Variants in SLIT2 observed in about 807,000 individuals in gnomAD.
The protein encoded by SLIT2 is slit guidance ligand 2.
Under a neutral mutation model 185.7 loss-of-function variants are expected in SLIT2, and 41 were observed. That is an observed-to-expected ratio of 0.22 (90% CI 0.17 to 0.29). SLIT2 has a LOEUF of 0.29. Ranked by LOEUF, SLIT2 falls within the 10% of genes least tolerant of loss-of-function variation. The pLI is 1.00. For synonymous variants in SLIT2, 693 were observed against 680.2 expected (o/e 1.02, Z -0.29); for missense variants, 1,571 against 1,909.0 (o/e 0.82, Z 3.30).
chr4:20,573,938 T>TTTTATTTATTTATTTATTTATTTATTTA (rs10673597), intron 29 of SLIT2, among the ~76,000 whole-genome samples: 1 of 140,718 alleles, frequency 7.1e-6, no homozygotes, highest in Non-Finnish European at 1.5e-5. Flanking sequence ...CATAGAATTA[T>TTTTATTTATTTATTTATTTATTTATTTA]TTTATTTATT....
In SLIT2 at chr4:20,541,698, A is replaced by G. The variant is rs1234971030; in HGVS notation, c.2143+79A>G. On this transcript the variant is annotated intron_variant, in intron 20 of 36. Transcript: ENST00000504154. ...ATGCAGCTTTGCACAAATCTACAGC[A>G]TAGTTCAGCTCAGCAAATAATGATC... The G allele has an allele frequency of 8.8e-6, 11 of 1,248,600 alleles. No homozygotes were observed. The African/African-American group carries it at 1.6e-4, about 18-fold the overall frequency. 77.3% of individuals were successfully genotyped at this position (1,248,600 alleles called of 1,614,324 possible).
intron 29 of SLIT2, among the ~76,000 whole-genome samples, chr4:20,569,593 G>A (rs562637556): frequency 2.0e-5 from 3 of 152,044 alleles, no homozygotes; most frequent in East Asian, 1.9e-4. Context: ...AAACCAATTT[G>A]CTCTAAAGTC....
chr4:20,493,850 G>T (rs761357001), intron 9 of SLIT2, among the ~76,000 whole-genome samples: 6 of 152,204 alleles, frequency 3.9e-5, no homozygotes, highest in Non-Finnish European at 8.8e-5. Flanking sequence ...TTGAAAGATG[G>T]GTAGTGAATG....
chr4:20,472,385 T>TATATATATATATA (rs1560453709), intron 5 of SLIT2, among the ~76,000 whole-genome samples: 1 of 39,262 alleles, frequency 2.5e-5, no homozygotes, highest in Non-Finnish European at 3.9e-5. Flanking sequence ...TCTATATATA[T>TATATATATATATA]GTAGATATAT....
chr4:20,318,664 A>G (rs1718800699), intron 4 of SLIT2, among the ~76,000 whole-genome samples: 1 of 151,982 alleles, frequency 6.6e-6, no homozygotes, highest in South Asian at 2.1e-4. Flanking sequence ...AGTTCAGGCT[A>G]CTTGGATAAT....
chr4:20,555,363 T>C (rs1293164019), intron 26 of SLIT2, among the ~76,000 whole-genome samples: 1 of 152,126 alleles, frequency 6.6e-6, no homozygotes, highest in Non-Finnish European at 1.5e-5. Flanking sequence ...CCAGCCTGGC[T>C]GGAGCCAAAT....
At chr4:20,521,676 T>C (rs1411162969) in intron 12 of SLIT2, among the ~76,000 whole-genome samples, 1 of 152,088 alleles carries the variant, frequency 6.6e-6, no homozygotes, top group East Asian at 1.9e-4. Flanking sequence ...CTTGAAGGCT[T>C]TTAAGAAGGT....
intron 11 of SLIT2, among the ~76,000 whole-genome samples, chr4:20,512,807 T>G (rs765473622): frequency 1.3e-5 from 2 of 152,206 alleles, no homozygotes; most frequent in African/African-American, 4.8e-5. Context: ...TGGGAAATTC[T>G]TATTTATATC....
chr4:20,312,185 C>A (rs1718169046), intron 4 of SLIT2, among the ~76,000 whole-genome samples: 2 of 152,072 alleles, frequency 1.3e-5, no homozygotes, highest in African/African-American at 2.4e-5. Flanking sequence ...TTTCCACTAA[C>A]TGTGTTAAAT....
intron 29 of SLIT2, among the ~76,000 whole-genome samples, chr4:20,579,073 A>G (rs1257093195): frequency 6.6e-6 from 1 of 152,024 alleles, no homozygotes; most frequent in Non-Finnish European, 1.5e-5. Flanking sequence ...AGGCAGGTGG[A>G]TCACGAGGTC....
intron 11 of SLIT2, among the ~76,000 whole-genome samples, chr4:20,517,469 A>G (rs942410392): frequency 1.4e-5 from 2 of 147,112 alleles, no homozygotes; most frequent in Non-Finnish European, 2.9e-5. Context: ...CTCAAAATAT[A>G]TATTTATTCA....
intron 4 of SLIT2, among the ~76,000 whole-genome samples, chr4:20,454,387 G>C (rs1002658025): frequency 8.5e-5 from 13 of 152,116 alleles, no homozygotes; most frequent in Admixed American, 5.2e-4. Context: ...AACAAAAAGA[G>C]TTTCATTAAG....
intron 4 of SLIT2, among the ~76,000 whole-genome samples, chr4:20,410,831 T>A (rs1727195832): frequency 6.6e-6 from 1 of 152,106 alleles, no homozygotes; most frequent in Non-Finnish European, 1.5e-5. Flanking sequence ...CTTGTATAAT[T>A]TGAAGCTGGG....
chr4:20,542,232 A>G (rs1722858089), intron 20 of SLIT2, among the ~76,000 whole-genome samples: 1 of 152,210 alleles, frequency 6.6e-6, no homozygotes, highest in African/African-American at 2.4e-5. Context: ...ATTTGTACAA[A>G]TAACTATTTT....
chr4:20,584,512 G>A (rs977014767), intron 29 of SLIT2, among the ~76,000 whole-genome samples: 4 of 152,312 alleles, frequency 2.6e-5, no homozygotes, highest in African/African-American at 4.8e-5. Context: ...AAACCAGGAC[G>A]GTTGTACAAG....
At chr4:20,518,321 C>T (rs1216698130) in intron 11 of SLIT2, among the ~76,000 whole-genome samples, 1 of 137,682 alleles carries the variant, frequency 7.3e-6, no homozygotes, top group African/African-American at 2.6e-5. Context: ...GGCGCGATCT[C>T]GGCTCATTGC....
intron 4 of SLIT2, among the ~76,000 whole-genome samples, chr4:20,464,762 G>A (rs1489336107): frequency 2.0e-5 from 3 of 152,018 alleles, no homozygotes; most frequent in Admixed American, 1.3e-4. Context: ...CTGCCCATCC[G>A]CTTTTATGTG....
chr4:20,594,534 C>G (rs574268107), intron 30 of SLIT2, among the ~76,000 whole-genome samples: 2 of 151,890 alleles, frequency 1.3e-5, no homozygotes, highest in Non-Finnish European at 2.9e-5. Flanking sequence ...GGGAGGCTTC[C>G]AGAAGACCCC....
chr4:20,504,341 G>T (rs551576635), intron 9 of SLIT2, among the ~76,000 whole-genome samples: 1 of 152,046 alleles, frequency 6.6e-6, no homozygotes, highest in Non-Finnish European at 1.5e-5. Flanking sequence ...TGCCATTTAC[G>T]TTAAAAGCAG....
Sources: gnomAD v4.1 joint callset for allele counts (sites outside exome capture counted in the v4.1 genomes callset) on GRCh38, gnomAD v4.1.1 for gene constraint, MANE v1.5 for transcripts, NCBI Gene and HGNC (gene_info 2026-07-23, HGNC 2026-07-21) for gene names.